The following ABCC4 variants were observed in gnomAD, a reference collection of about 807,000 sequenced individuals.
ABCC4 encodes ATP-binding cassette sub-family C member 4.
Under a neutral mutation model 168.5 loss-of-function variants are expected in ABCC4, and 102 were observed. The observed-to-expected ratio is 0.61, with a 90% CI of 0.52 to 0.71. The LOEUF (loss-of-function observed/expected upper bound fraction) is 0.71, where lower values mean the gene tolerates loss of function less well. Among genes scored for constraint, ABCC4 ranks in the 30% least tolerant of loss-of-function variants. The pLI, the probability that ABCC4 is intolerant of heterozygous loss-of-function variation, is 0.00. For synonymous variants in ABCC4, 617 were observed against 590.7 expected (o/e 1.04, Z -0.65); for missense variants, 1,402 against 1,605.8 (o/e 0.87, Z 2.17).
chr13:95,278,523 G>A (rs537259584), intron 1 of ABCC4, among the ~76,000 whole-genome samples: 2 of 152,116 alleles, frequency 1.3e-5, no homozygotes, highest in Admixed American at 6.5e-5. Flanking sequence ...GGCAAGGGGC[G>A]GTGGCTCACG....
At chr13:95,293,628 A>G (rs141394086) in intron 1 of ABCC4, among the ~76,000 whole-genome samples, 2,540 of 151,452 alleles carry the variant, frequency 0.017, 66 homozygotes, top group African/African-American at 0.058. Context: ...CACCACGCCC[A>G]GCTAATTTTT....
At chr13:95,054,466 T>C (rs2032980077) in intron 26 of ABCC4, among the ~76,000 whole-genome samples, 1 of 151,776 alleles carries the variant, frequency 6.6e-6, no homozygotes, top group East Asian at 1.9e-4. Flanking sequence ...GAGAATCACT[T>C]TGACCTGGGA....
chr13:95,115,776 C>A, intron 20 of ABCC4, 146 bp downstream of exon 20: 1 of 683,142 alleles, frequency 1.5e-6, no homozygotes, highest in South Asian at 1.9e-5. Flanking sequence ...ATAACCGCAC[C>A]TTTCTTTTAC....
At chr13:95,290,781 C>T (rs2041379973) in intron 1 of ABCC4, among the ~76,000 whole-genome samples, 1 of 148,558 alleles carries the variant, frequency 6.7e-6, no homozygotes, top group Non-Finnish European at 1.5e-5. Context: ...TGCACTCCAG[C>T]CTGGGCAAAA....
At position 95,152,188 on chromosome 13, in the gene ABCC4, C is replaced by T. The variant is rs74958106; in HGVS notation, c.2455+9001G>A. 3.3e-4 allele frequency among the ~76,000 whole-genome samples: 51 copies of T among 152,248 alleles called. 1 individual carries two copies. The East Asian group carries it at 9.8e-3, about 29-fold the overall frequency. On this transcript the variant is annotated intron_variant, in intron 19 of 30. Coordinates refer to ENST00000645237, the MANE Select transcript of ABCC4 (RefSeq NM_005845.5). ...TACGGTTTTTCTCTTCAGGCCATCA[C>T]GTATCAGAAACAAAGTCCACCAAAG...
At chr13:95,124,562 TAAAAAAAAAAAAA>T (rs55651091) in intron 19 of ABCC4, among the ~76,000 whole-genome samples, 22 of 121,914 alleles carry the variant, frequency 1.8e-4, no homozygotes, top group African/African-American at 6.3e-4. Context: ...CCCCCTTTCT[TAAAAAAAAAAAAA>T]AAAAAAAAAA....
At chr13:95,171,845 C>T (rs2037487895) in intron 13 of ABCC4, among the ~76,000 whole-genome samples, 2 of 152,176 alleles carry the variant, frequency 1.3e-5, no homozygotes, top group African/African-American at 4.8e-5. Flanking sequence ...CTTAGTTTGG[C>T]TTATTTCAAA....
At chr13:95,153,402 TG>T (rs1029270454) in intron 19 of ABCC4, among the ~76,000 whole-genome samples, 1 of 152,010 alleles carries the variant, frequency 6.6e-6, no homozygotes, top group East Asian at 1.9e-4. Flanking sequence ...AATCAGTTAA[TG>T]GGGGGGCGTT....
intron 21 of ABCC4, among the ~76,000 whole-genome samples, chr13:95,080,987 G>A (rs932857047): frequency 1.3e-5 from 2 of 149,234 alleles, no homozygotes; most frequent in Admixed American, 6.7e-5. Flanking sequence ...GTGGAATTGT[G>A]ACTTATGGCA....
chr13:95,200,421 A>G (rs2038590989), intron 8 of ABCC4, among the ~76,000 whole-genome samples: 1 of 152,176 alleles, frequency 6.6e-6, no homozygotes, highest in Non-Finnish European at 1.5e-5. Context: ...ACACGAGGAC[A>G]CTTTCTAAAG....
chr13:95,035,527 CG>C (rs1235754811), intron 29 of ABCC4, among the ~76,000 whole-genome samples: 8 of 152,196 alleles, frequency 5.3e-5, no homozygotes, highest in Non-Finnish European at 8.8e-5. Flanking sequence ...ACATGGCACA[CG>C]GGGCAGCCCA....
At chr13:95,258,398 A>G (rs1462950336) in intron 1 of ABCC4, among the ~76,000 whole-genome samples, 4 of 151,992 alleles carry the variant, frequency 2.6e-5, no homozygotes, top group Non-Finnish European at 4.4e-5. Context: ...GCTTTTCCCC[A>G]TCTTCTCCCA....
rs71111597 is a variant in ABCC4 at position 95,218,927 on chromosome 13, G to GAGAAAGAAAGAAAGAA, written c.532-8162_532-8147dup. Among the ~76,000 whole-genome samples the GAGAAAGAAAGAAAGAA allele has an allele frequency of 3.6e-3, 153 of 42,446 alleles. 3 individuals are homozygous for GAGAAAGAAAGAAAGAA. The highest frequency in any genetic ancestry group is 8.7e-3 in the East Asian group (16 of 1,840). 27.8% of individuals were successfully genotyped at this position (42,446 alleles called of 152,430 possible). ...AGAAAGAGAGAGAGAGAGAAAGAAA[G>GAGAAAGAAAGAAAGAA]AGAAAGAAAGAAAGAAAGAAAGAAA... On this transcript the variant is annotated intron_variant, in intron 4 of 30. Coordinates refer to ENST00000645237, the MANE Select transcript of ABCC4 (RefSeq NM_005845.5).
chr13:95,230,876 A>G (rs150342260), intron 4 of ABCC4, among the ~76,000 whole-genome samples: 83 of 152,342 alleles, frequency 5.4e-4, no homozygotes, highest in Middle Eastern at 3.4e-3. Flanking sequence ...GGCAGAAATA[A>G]CCCAAATGTC....
At chr13:95,083,367 G>T in intron 20 of ABCC4, 77 bp from the exon 21 acceptor site, 1 of 1,513,678 alleles carries the variant, frequency 6.6e-7, no homozygotes, top group Non-Finnish European at 9.0e-7. Context: ...TTGTTGTTAG[G>T]ATTACACTCC....
chr13:95,177,232 T>A (rs117847453), intron 13 of ABCC4, among the ~76,000 whole-genome samples: 18 of 152,288 alleles, frequency 1.2e-4, no homozygotes, highest in Non-Finnish European at 2.2e-4. Context: ...CAACAAAGCC[T>A]TCCCAAGAAA....
intron 20 of ABCC4, among the ~76,000 whole-genome samples, chr13:95,089,012 CAG>C (rs1458949289): frequency 4.6e-5 from 7 of 151,774 alleles, no homozygotes; most frequent in Non-Finnish European, 8.8e-5. Context: ...CAGGGAATAA[CAG>C]AAGAGATACT....
At chr13:95,022,700 C>A (rs1057320513) in intron 30 of ABCC4, among the ~76,000 whole-genome samples, 1 of 152,156 alleles carries the variant, frequency 6.6e-6, no homozygotes, top group Non-Finnish European at 1.5e-5. Flanking sequence ...TCATACGATT[C>A]TGGATCTATT....
Position 95,083,266 on chromosome 13 carries a change from C to A in ABCC4, c.2560G>T (p.Val854Phe), listed in dbSNP as rs11568694. The A allele has an allele frequency of 7.8e-3, 12,589 of 1,613,880 alleles. 108 individuals are homozygous for A. The highest frequency in any genetic ancestry group is 0.03 in the South Asian group (2,740 of 91,044). The change falls in exon 21 of 31, where the codon GTC becomes TTC. Residue 854 changes from valine (V) to phenylalanine (F), a missense_variant. By Grantham distance (50) the Val-to-Phe change is conservative (BLOSUM62 -1). Around this residue, in one of 3 missense-constraint regions of ABCC4, gnomAD observed 1,007 missense variants for 1,127.3 expected, o/e 0.89. Transcript: ENST00000645237. ...IQTLLQVVGV[V>F]SVAVAVIPWI... is the part of the protein sequence containing the mutation. ...GGAATCACGGCCACAGCCACAGAGA[C>A]CACACCAACCACTTGTAGCAATGTC...
Sources: gnomAD v4.1 joint callset for allele counts (sites outside exome capture counted in the v4.1 genomes callset) on GRCh38, gnomAD v4.1.1 for gene constraint, gnomAD v4.1.1 regional missense constraint, MANE v1.5 for transcripts, NCBI Gene and HGNC (gene_info 2026-07-23, HGNC 2026-07-21) for gene names.